The following USP48 variants were observed in gnomAD, a reference collection of about 807,000 sequenced individuals.
USP48 encodes ubiquitin carboxyl-terminal hydrolase 48.
In USP48, 43 loss-of-function variants were observed where a neutral mutation model predicts 150.7. The ratio of observed to expected loss-of-function variants is 0.29; its 90% CI spans 0.22 to 0.37. The LOEUF (loss-of-function observed/expected upper bound fraction) is 0.37, where lower values mean the gene tolerates loss of function less well. Among genes scored for constraint, USP48 ranks in the 10% least tolerant of loss-of-function variants. The pLI, the probability that USP48 is intolerant of heterozygous loss-of-function variation, is 1.00. For missense variants in USP48, 813 were observed against 1,249.6 expected, an observed-to-expected ratio of 0.65 and a Z score of 5.27; for synonymous variants, 396 against 425.9, an observed-to-expected ratio of 0.93 and a Z score of 0.86.
intron 8 of USP48, among the ~76,000 whole-genome samples, chr1:21,745,581 A>G (rs1256464119): frequency 6.6e-6 from 1 of 152,208 alleles, no homozygotes; most frequent in Admixed American, 6.5e-5. Context: ...AATAAAAAAT[A>G]AAAAATACTA....
At position 21,728,047 on chromosome 1, in the gene USP48, G is replaced by C. The variant is rs958151962; in HGVS notation, c.1450+523C>G. ...CCTGAATAAACATATACAGAAAAGG[G>C]ATAAGCTGGATTATGTGGGATATTT... On this transcript the variant is annotated intron_variant, in intron 11 of 26. Transcript: ENST00000308271. The C allele has an allele frequency of 6.1e-6, 6 of 985,350 alleles. No homozygotes were observed. In the African/African-American group the frequency reaches 1.0e-4, roughly 17 times the overall value. The allele number at this position is 985,350 out of a possible 1,614,324, so 61.0% of individuals were successfully genotyped here.
At position 21,703,157 on chromosome 1, in the gene USP48, G is replaced by T. The variant is rs1571770518; in HGVS notation, c.2622+355C>A. On this transcript the variant is annotated intron_variant, in intron 21 of 26. Coordinates refer to ENST00000308271, the MANE Select transcript of USP48 (RefSeq NM_032236.8). ...GTTCCTTCAAAACAATCATTTCTGT[G>T]TGAAATCATATGAATTTATACTTTA... is the stretch of plus-strand genomic sequence containing the variant. Among the ~76,000 whole-genome samples, 4 of 152,296 alleles carry T rather than the reference G, an allele frequency of 2.6e-5. No individual in the cohort carries two copies. In the South Asian group the frequency reaches 6.2e-4, roughly 24 times the overall value.
At chr1:21,683,478 C>T (rs1414058362) in intron 25 of USP48, among the ~76,000 whole-genome samples, 4 of 151,928 alleles carry the variant, frequency 2.6e-5, no homozygotes, top group Admixed American at 6.6e-5. Context: ...TCCAACTCCC[C>T]GGCTCAAGCA....
chr1:21,724,672 T>G (rs1382995319), intron 11 of USP48: 1 of 153,738 alleles, frequency 6.5e-6, no homozygotes, highest in Non-Finnish European at 1.4e-5. Flanking sequence ...GGTATTTAAT[T>G]CCCCCACCCA....
chr1:21,682,161 C>G (rs1017687792), intron 25 of USP48, among the ~76,000 whole-genome samples: 27 of 152,146 alleles, frequency 1.8e-4, no homozygotes, highest in African/African-American at 6.5e-4. Context: ...TCTTTTGAAG[C>G]CCTGAATATG....
At chr1:21,686,255 G>C (rs906269566) in intron 25 of USP48, 3 of 152,160 alleles carry the variant, frequency 2.0e-5, no homozygotes, top group Non-Finnish European at 2.9e-5. Context: ...GGCCGTCCTT[G>C]TCTATTCCAG....
Position 21,782,729 on chromosome 1 carries a change from C to T in USP48, c.134+95G>A, listed in dbSNP as rs983516398. The T allele has an allele frequency of 2.9e-5, 41 of 1,409,212 alleles. No individual in the cohort carries two copies. In the African/African-American group the frequency reaches 5.3e-4, roughly 18 times the overall value. 87.3% of individuals were successfully genotyped at this position (1,409,212 alleles called of 1,614,324 possible). ...CGCTCGGCTCCGCGCCTCCCAAATG[C>T]ACGCAAAGGGCTGCCGTCTTCCTTT... is the stretch of plus-strand genomic sequence containing the variant. On this transcript the variant is annotated intron_variant, in intron 1 of 26. Transcript: ENST00000308271.
At chr1:21,769,171 T>C (rs946835625) in intron 1 of USP48, among the ~76,000 whole-genome samples, 3 of 152,168 alleles carry the variant, frequency 2.0e-5, no homozygotes, top group African/African-American at 4.8e-5. Flanking sequence ...TCCATGATCT[T>C]ACTTCCCAAC....
Position 21,776,904 on chromosome 1 carries a change from G to A in USP48, c.134+5920C>T, listed in dbSNP as rs547958420. 1.8e-3 allele frequency among the ~76,000 whole-genome samples: 268 copies of A among 151,532 alleles called. 2 individuals are homozygous for A. Among genetic ancestry groups the A allele is most frequent in the African/African-American group, 5.4e-3 (224 of 41,306 alleles). The stretch of plus-strand genomic sequence containing the variant: ...GGAGGCTGCAGTGAGCCGAGTTTGT[G>A]CCGCTGCACTCCAGCCTGGGCAACA... On this transcript the variant is annotated intron_variant, in intron 1 of 26. Coordinates refer to ENST00000308271, the MANE Select transcript of USP48 (RefSeq NM_032236.8).
chr1:21,755,991 C>A (rs2097832572), intron 3 of USP48, among the ~76,000 whole-genome samples: 14 of 151,864 alleles, frequency 9.2e-5, no homozygotes, highest in Admixed American at 9.2e-4. Context: ...CATGGAGAAA[C>A]CCCGTCTCTA....
At chr1:21,713,929 C>G (rs918651911) in intron 15 of USP48, among the ~76,000 whole-genome samples, 1 of 152,156 alleles carries the variant, frequency 6.6e-6, no homozygotes, top group Non-Finnish European at 1.5e-5. Flanking sequence ...CCCAGGATGG[C>G]CCCTTCCTAG....
chr1:21,728,231 C>T lies in USP48; in HGVS notation c.1450+339G>A, dbSNP rs114976904. 1.9e-3 allele frequency: 2,003 copies of T among 1,029,184 alleles called. 32 individuals are homozygous for T. In the African/African-American group the frequency reaches 0.031, roughly 16 times the overall value. The allele number at this position is 1,029,184 out of a possible 1,614,324, so 63.8% of individuals were successfully genotyped here. On this transcript the variant is annotated intron_variant, in intron 11 of 26. Coordinates refer to ENST00000308271, the MANE Select transcript of USP48 (RefSeq NM_032236.8). ...AAAGTATGCAAAGAAACAGAACAGG[C>T]AAGTTGCTTTTTCCATAGTAATCCA...
chr1:21,693,493 AG>A (rs2152503043), intron 23 of USP48, among the ~76,000 whole-genome samples: 1 of 152,296 alleles, frequency 6.6e-6, no homozygotes, highest in East Asian at 1.9e-4. Context: ...ACAGACATTC[AG>A]GAAGAGCACC....
intron 15 of USP48, among the ~76,000 whole-genome samples, chr1:21,713,033 T>G (rs1407368916): frequency 6.6e-6 from 1 of 152,128 alleles, no homozygotes; most frequent in Non-Finnish European, 1.5e-5. Flanking sequence ...AATTTCTTCC[T>G]CTCTCCCTCA....
chr1:21,699,497 C>T (rs970818809), intron 22 of USP48, among the ~76,000 whole-genome samples: 1 of 150,994 alleles, frequency 6.6e-6, no homozygotes, highest in Non-Finnish European at 1.5e-5. Flanking sequence ...CGTGCCTGGC[C>T]TAATTTTTGT....
chr1:21,733,892 A>G (rs2097762855), intron 9 of USP48, among the ~76,000 whole-genome samples: 1 of 152,060 alleles, frequency 6.6e-6, no homozygotes, highest in Non-Finnish European at 1.5e-5. Context: ...CCTGGGCTCA[A>G]GCATCCTCCT....
At chr1:21,780,583 T>C (rs2097911812) in intron 1 of USP48, among the ~76,000 whole-genome samples, 1 of 151,952 alleles carries the variant, frequency 6.6e-6, no homozygotes, top group Admixed American at 6.6e-5. Flanking sequence ...AATGAAGTGC[T>C]GAAACATGCT....
intron 25 of USP48, among the ~76,000 whole-genome samples, chr1:21,682,940 G>A (rs999630273): frequency 2.0e-5 from 3 of 151,468 alleles, no homozygotes; most frequent in African/African-American, 7.3e-5. Flanking sequence ...ACTAAAGGGT[G>A]CCTGGGACAT....
chr1:21,736,289 A>C (rs1285013092), intron 9 of USP48, 157 bp downstream of exon 9: 4 of 759,034 alleles, frequency 5.3e-6, no homozygotes, highest in Non-Finnish European at 8.0e-6. Flanking sequence ...AAGCATTGCT[A>C]ATACAAGATG....
Sources: allele counts gnomAD v4.1 joint callset (sites outside exome capture counted in the v4.1 genomes callset), GRCh38; gene constraint gnomAD v4.1.1; transcripts MANE v1.5; gene names NCBI Gene and HGNC (gene_info 2026-07-23, HGNC 2026-07-21).